IQCM: variants seen among roughly 807,000 people sequenced by gnomAD.
The protein encoded by IQCM is IQ motif containing M.
IQCM carries 45 observed loss-of-function variants against 57.6 expected under a neutral mutation model. The observed-to-expected ratio is 0.78, with a 90% CI of 0.62 to 1.00. IQCM has a LOEUF of 1.00. Ranked by LOEUF, IQCM falls within the 50% of genes least tolerant of loss-of-function variation. The probability of loss-of-function intolerance (pLI) is 0.00; values close to 1 mark genes in which losing one functional copy is unlikely to be tolerated. For missense variants in IQCM, 468 were observed against 511.6 expected, an observed-to-expected ratio of 0.91 and a Z score of 0.82; for synonymous variants, 148 against 158.9, an observed-to-expected ratio of 0.93 and a Z score of 0.51.
intron 13 of IQCM, among the ~76,000 whole-genome samples, chr4:149,432,186 GTGTT>G (rs1181535207): frequency 1.1e-4 from 16 of 151,854 alleles, no homozygotes; most frequent in Non-Finnish European, 1.8e-4. Flanking sequence ...TAATGTGTGA[GTGTT>G]TGAGGTATTC....
chr4:149,591,419 T>TA (rs1252250591), intron 8 of IQCM, among the ~76,000 whole-genome samples: 2 of 152,082 alleles, frequency 1.3e-5, no homozygotes, highest in African/African-American at 2.4e-5. Context: ...AATTGGCCTA[T>TA]TATGCCCCAA....
At chr4:149,567,786 A>T (rs996008648) in intron 9 of IQCM, among the ~76,000 whole-genome samples, 4 of 152,308 alleles carry the variant, frequency 2.6e-5, no homozygotes, top group African/African-American at 9.6e-5. Context: ...GCAAGACATG[A>T]CAAGGTATGT....
At chr4:149,737,294 T>C (rs769250291) in intron 3 of IQCM, among the ~76,000 whole-genome samples, 1 of 152,184 alleles carries the variant, frequency 6.6e-6, no homozygotes, top group East Asian at 1.9e-4. Context: ...GTGTACTCAA[T>C]GTACACCTAA....
chr4:149,787,688 G>A (rs80180574), intron 2 of IQCM, among the ~76,000 whole-genome samples: 2,126 of 152,064 alleles, frequency 0.014, 59 homozygotes, highest in African/African-American at 0.049. Context: ...AAAATCAACC[G>A]AAGCTAGATT....
At chr4:149,582,283 T>G (rs1752259420) in intron 9 of IQCM, among the ~76,000 whole-genome samples, 1 of 103,500 alleles carries the variant, frequency 9.7e-6, no homozygotes, top group African/African-American at 3.3e-5. Context: ...GATGGGTCAG[T>G]CAATCCAATG....
Position 149,733,395 on chromosome 4 carries a change from T to A in IQCM, c.234A>T (p.Gln78His), listed in dbSNP as rs529484621. The change falls in exon 5 of 14, where the codon CAA (glutamine) becomes CAT (histidine). Residue 78 changes from glutamine to histidine, a missense_variant. Coordinates refer to ENST00000636793, the MANE Select transcript of IQCM (RefSeq NM_001363507.2). Reference sequence around the variant, plus strand: ...TCCTTCTGAGTGCGGCCCGATGTTCTTGCACCACATCACGTGTTACCTTTT... The same window carrying A: ...TCCTTCTGAGTGCGGCCCGATGTTCATGCACCACATCACGTGTTACCTTTT... The part of the protein sequence containing the change: ...IDKKVTRDVV[Q>H]EHRAALRRIC... The A allele has an allele frequency of 5.0e-5, 61 of 1,231,876 alleles. No individual in the cohort carries two copies. The African/African-American group carries it at 9.1e-4, about 18-fold the overall frequency. 76.3% of individuals were successfully genotyped at this position (1,231,876 alleles called of 1,614,324 possible). A position where few individuals can be genotyped will look rare whatever the true frequency, so the allele number is the denominator to read the frequency against.
intron 2 of IQCM, among the ~76,000 whole-genome samples, chr4:149,751,180 G>A (rs959888350): frequency 2.0e-5 from 3 of 152,140 alleles, no homozygotes; most frequent in African/African-American, 7.2e-5. Flanking sequence ...GCTTAACACT[G>A]GATTTGTGAA....
At chr4:149,805,672 T>G (rs1580344081) in intron 2 of IQCM, among the ~76,000 whole-genome samples, 1 of 152,198 alleles carries the variant, frequency 6.6e-6, no homozygotes, top group South Asian at 2.1e-4. Context: ...TGTTGAAATG[T>G]TGGCTCCATT....
intron 12 of IQCM, among the ~76,000 whole-genome samples, chr4:149,469,176 T>C (rs1245359798): frequency 6.6e-6 from 1 of 152,134 alleles, no homozygotes; most frequent in Non-Finnish European, 1.5e-5. Context: ...CAAACTTCTC[T>C]GAGCTAAAGG....
chr4:149,527,584 CCCACGCT>C (rs1287359361), intron 12 of IQCM, among the ~76,000 whole-genome samples: 1 of 152,168 alleles, frequency 6.6e-6, no homozygotes, highest in Admixed American at 6.5e-5. Flanking sequence ...GTTTAAGCCA[CCCACGCT>C]ATAGTATTTT....
At position 149,726,127 on chromosome 4, in the gene IQCM, GAAA is replaced by G. The variant is rs751462862; in HGVS notation, c.385+7114_385+7116del. On this transcript the variant is annotated intron_variant, in intron 5 of 13. Coordinates refer to ENST00000636793, the MANE Select transcript of IQCM (RefSeq NM_001363507.2). ...AGAAAGAAAGAAAGAAAGAAAGAAA[GAAA>G]GAAAGAAAGAAAAGAAAGAAAGAAA... 2.8e-3 allele frequency among the ~76,000 whole-genome samples: 403 copies of G among 142,274 alleles called. 1 individual carries two copies. The highest frequency in any genetic ancestry group is 5.0e-3 in the Non-Finnish European group (318 of 63,554). The allele number at this position is 142,274 out of a possible 152,430, so 93.3% of individuals were successfully genotyped here.
intron 13 of IQCM, among the ~76,000 whole-genome samples, chr4:149,400,646 C>T (rs1202187025): frequency 2.6e-5 from 4 of 151,972 alleles, no homozygotes; most frequent in African/African-American, 9.7e-5. Flanking sequence ...ACCAGCCCTT[C>T]TGTATATTAA....
chr4:149,490,771 C>A (rs1742007634), intron 12 of IQCM, among the ~76,000 whole-genome samples: 1 of 152,050 alleles, frequency 6.6e-6, no homozygotes, highest in South Asian at 2.1e-4. Flanking sequence ...AAATTTCATT[C>A]TTTAACAAAA....
Position 149,742,744 on chromosome 4 carries a change from A to T in IQCM, c.-48-5T>A, listed in dbSNP as rs1190776027. The T allele has an allele frequency of 2.7e-6, 3 of 1,117,302 alleles. No homozygotes were observed. Among genetic ancestry groups the T allele is most frequent in the Admixed American group, 4.3e-5 (1 of 23,518 alleles). 69.2% of individuals were successfully genotyped at this position (1,117,302 alleles called of 1,614,324 possible). On this transcript the variant is annotated splice_region_variant and splice_polypyrimidine_tract_variant and intron_variant, in intron 2 of 13. Coordinates refer to ENST00000636793, the MANE Select transcript of IQCM (RefSeq NM_001363507.2). ...TTAAAGTGTGAGCTCCAAGTCCTTA[A>T]ACACAGTTACATTAAGTAATTCAGT...
intron 12 of IQCM, among the ~76,000 whole-genome samples, chr4:149,545,807 A>G (rs1165073691): frequency 1.4e-5 from 2 of 144,974 alleles, no homozygotes; most frequent in Non-Finnish European, 3.1e-5. Flanking sequence ...TGAATGGAAA[A>G]AAAAAGTGGT....
chr4:149,577,831 T>C (rs1394027), intron 9 of IQCM, among the ~76,000 whole-genome samples: 72,213 of 151,704 alleles, frequency 0.48, 17,715 homozygotes, highest in Non-Finnish European at 0.55. Context: ...TATGGCCATT[T>C]TAACACTACT....
intron 2 of IQCM, chr4:149,790,311 A>G (rs540760717): frequency 2.2e-5 from 5 of 228,878 alleles, no homozygotes; most frequent in Middle Eastern, 5.6e-4. Context: ...TGAATCATGT[A>G]TTCTGCATTT....
chr4:149,771,294 A>G (rs943236391), intron 2 of IQCM, among the ~76,000 whole-genome samples: 1 of 152,010 alleles, frequency 6.6e-6, no homozygotes, highest in Non-Finnish European at 1.5e-5. Context: ...TCATCTAACT[A>G]TCTGCCCCTG....
intron 10 of IQCM, among the ~76,000 whole-genome samples, chr4:149,557,458 C>T (rs955667427): frequency 6.6e-6 from 1 of 152,080 alleles, no homozygotes; most frequent in African/African-American, 2.4e-5. Flanking sequence ...GCTACTACTC[C>T]AATTCTTGAT....
Sources: gnomAD v4.1 joint callset for allele counts (sites outside exome capture counted in the v4.1 genomes callset) on GRCh38, gnomAD v4.1.1 for gene constraint, MANE v1.5 for transcripts, NCBI Gene and HGNC (gene_info 2026-07-23, HGNC 2026-07-21) for gene names.